PTH1R: variants seen among roughly 807,000 people sequenced by gnomAD.
PTH1R encodes parathyroid hormone 1 receptor.
PTH1R carries 32 observed loss-of-function variants against 70.7 expected under a neutral mutation model. The ratio of observed to expected loss-of-function variants is 0.45; its 90% CI spans 0.34 to 0.61. PTH1R has a LOEUF of 0.61. Ranked by LOEUF, PTH1R falls within the 20% of genes least tolerant of loss-of-function variation. The pLI is 0.01. For missense variants in PTH1R, 626 were observed against 792.5 expected (o/e 0.79, Z 2.52); for synonymous variants, 329 against 324.8 (o/e 1.01, Z -0.14).
chr3:46,903,657 C>T lies in PTH1R; in HGVS notation c.*1C>T, dbSNP rs529093972. The stretch of plus-strand genomic sequence containing the variant: ...GGAAGAGTGGGAGACAGTCATGTGA[C>T]CAGGCGCTGGGGGCTGGACCTGCTG... On this transcript the variant is annotated 3_prime_UTR_variant, in exon 16 of 16. Transcript: ENST00000449590. This position sits in a 1 kb window ranked among gnomAD's most constrained non-coding sequence, Gnocchi z 4.4. 20 of 1,607,826 alleles carry T rather than the reference C, an allele frequency of 1.2e-5. No homozygotes were observed. The South Asian group carries it at 2.2e-4, about 18-fold the overall frequency.
chr3:46,891,057 A>G lies in PTH1R; in HGVS notation c.76-2850A>G, dbSNP rs576658384. Among the ~76,000 whole-genome samples, 62 of 152,342 alleles carry G rather than the reference A, an allele frequency of 4.1e-4. No homozygotes were observed. The highest frequency in any genetic ancestry group is 1.4e-3 in the African/African-American group (59 of 41,568). ...GGGGTTGTCCTCCTCTTCTTGGGAAAGTGCTTCCTTAACTTTAACATGAGT... is the reference window on the plus strand; with the variant it reads ...GGGGTTGTCCTCCTCTTCTTGGGAAGGTGCTTCCTTAACTTTAACATGAGT... On this transcript the variant is annotated intron_variant, in intron 3 of 15. Transcript: ENST00000449590. This position sits in a 1 kb window ranked among gnomAD's most constrained non-coding sequence, Gnocchi z 4.3.
At chr3:46,898,910 C>A in intron 9 of PTH1R, 53 bp downstream of exon 9, 1 of 1,202,606 alleles carries the variant, frequency 8.3e-7, no homozygotes, top group East Asian at 2.8e-5. Flanking sequence ...CCTCGTGGGG[C>A]CCCGCCCCGC....
At chr3:46,885,264 A>T (rs2030941614) in intron 3 of PTH1R, among the ~76,000 whole-genome samples, 1 of 151,940 alleles carries the variant, frequency 6.6e-6, no homozygotes, top group Non-Finnish European at 1.5e-5. Context: ...GTGGTGCATG[A>T]CTTGGAGGCG....
rs1197899907 is a variant in PTH1R, at chr3:46,879,420, C to G, written c.-106+1577C>G. Among the ~76,000 whole-genome samples the G allele has an allele frequency of 6.6e-6, 1 of 152,152 alleles. No homozygotes were observed. Among genetic ancestry groups the G allele is most frequent in the Non-Finnish European group, 1.5e-5 (1 of 68,032 alleles). On this transcript the variant is annotated intron_variant, in intron 1 of 15. Coordinates refer to ENST00000449590, the MANE Select transcript of PTH1R (RefSeq NM_000316.3). This position sits in a 1 kb window ranked among gnomAD's most constrained non-coding sequence, Gnocchi z 4.7. ...AAGCAGGGTGGAAGATCAGTGGTCA[C>G]AGAACCATAAAACTTAGAGACACTT...
Position 46,879,428 on chromosome 3 carries a change from T to C in PTH1R, c.-106+1585T>C, listed in dbSNP as rs2030421517. ...TGGAAGATCAGTGGTCACAGAACCA[T>C]AAAACTTAGAGACACTTAGAAACAG... On this transcript the variant is annotated intron_variant, in intron 1 of 15. Transcript: ENST00000449590. This position sits in a 1 kb window ranked among gnomAD's most constrained non-coding sequence, Gnocchi z 4.7. Among the ~76,000 whole-genome samples, 1 of 152,118 alleles carries C rather than the reference T, an allele frequency of 6.6e-6. No individual in the cohort carries two copies. Among genetic ancestry groups the C allele is most frequent in the Non-Finnish European group, 1.5e-5 (1 of 68,036 alleles).
intron 3 of PTH1R, among the ~76,000 whole-genome samples, chr3:46,889,898 C>G (rs1380662893): frequency 6.6e-6 from 1 of 152,128 alleles, no homozygotes; most frequent in African/African-American, 2.4e-5. Context: ...TGGCGCTGAG[C>G]CAAGAAGACA....
rs762221232 is a variant in PTH1R, at chr3:46,898,876, G to GCC, written c.834+21_834+22dup. The GCC allele has an allele frequency of 6.7e-7, 1 of 1,485,178 alleles. No homozygotes were observed. Among genetic ancestry groups the GCC allele is most frequent in the South Asian group, 1.2e-5 (1 of 80,894 alleles). The allele number at this position is 1,485,178 out of a possible 1,614,324, so 92.0% of individuals were successfully genotyped here. Reference sequence around the variant, plus strand: ...CGGCTACGTGAGTACCCCTCTGCCCGCCCGCTCCCGGTGCCGCCACTGGCC... The same window carrying GCC: ...CGGCTACGTGAGTACCCCTCTGCCCGCCCCCGCTCCCGGTGCCGCCACTGGCC... On this transcript the variant is annotated intron_variant, in intron 9 of 15. Transcript: ENST00000449590.
chr3:46,880,468 G>A (rs1324736221), intron 1 of PTH1R, among the ~76,000 whole-genome samples: 1 of 152,202 alleles, frequency 6.6e-6, no homozygotes, highest in Non-Finnish European at 1.5e-5. Context: ...GGCCAAGGCT[G>A]GTGGTTCATA....
chr3:46,903,421 T>G lies in PTH1R; in HGVS notation c.1547T>G (p.Leu516Arg), dbSNP rs2032250185. 1 of 1,613,180 alleles carries G rather than the reference T, an allele frequency of 6.2e-7. No homozygotes were observed. The highest frequency in any genetic ancestry group is 8.5e-7 in the Non-Finnish European group (1 of 1,179,722). ...TNVGPRVGLG[L>R]PLSPRLLPTA... ...GTCGGCCCCCGTGTGGGACTCGGCCTGCCCCTCAGCCCCCGCCTACTGCCC... is the reference window on the plus strand; with the variant it reads ...GTCGGCCCCCGTGTGGGACTCGGCCGGCCCCTCAGCCCCCGCCTACTGCCC... Residue 516 changes from leucine (L) to arginine (R), a missense_variant, in exon 16 of 16, where the codon CTG (leucine) becomes CGG (arginine). Transcript: ENST00000449590. This position sits in a 1 kb window ranked among gnomAD's most constrained non-coding sequence, Gnocchi z 4.4.
At chr3:46,894,103 C>G (rs1359641974) in intron 4 of PTH1R, 94 bp downstream of exon 4, 1 of 1,339,866 alleles carries the variant, frequency 7.5e-7, no homozygotes, top group Non-Finnish European at 1.1e-6. Context: ...GGTGAAGGCT[C>G]TCTGTGGGGG....
In PTH1R at chr3:46,883,726, C is replaced by A; in HGVS notation, c.75+92C>A. 1.4e-6 allele frequency: 2 copies of A among 1,445,256 alleles called. No homozygotes were observed. Among genetic ancestry groups the A allele is most frequent in the Non-Finnish European group, 1.9e-6 (2 of 1,062,584 alleles). 89.5% of individuals were successfully genotyped at this position (1,445,256 alleles called of 1,614,324 possible). On this transcript the variant is annotated intron_variant, in intron 3 of 15. Transcript: ENST00000449590. This position sits in a 1 kb window ranked among gnomAD's most constrained non-coding sequence, Gnocchi z 6.4. ...CTAAGGCACGCAGTCTTGAGTTCCC[C>A]CAGTAGTTCGAACTTTGGGTGAGAG... is the stretch of plus-strand genomic sequence containing the variant.
At chr3:46,899,276 T>G (rs2031969835) in intron 9 of PTH1R, 27 bp from the exon 10 acceptor site, 8 of 1,613,700 alleles carry the variant, frequency 5.0e-6, no homozygotes, top group Non-Finnish European at 5.9e-6. Flanking sequence ...GGCCCTGCCC[T>G]CTGACTAACA....
At chr3:46,886,728 G>A (rs943702214) in intron 3 of PTH1R, among the ~76,000 whole-genome samples, 1 of 152,176 alleles carries the variant, frequency 6.6e-6, no homozygotes, top group African/African-American at 2.4e-5. Context: ...TTCTGAGCTA[G>A]AAACTGTCAC....
chr3:46,883,585 G>A lies in PTH1R; in HGVS notation c.26G>A (p.Gly9Asp). 1 of 1,540,628 alleles carries A rather than the reference G, an allele frequency of 6.5e-7. No homozygotes were observed. Among genetic ancestry groups the A allele is most frequent in the Middle Eastern group, 1.7e-4 (1 of 5,742 alleles). The change falls in exon 3 of 16, where the codon GGC becomes GAC. Residue 9 changes from glycine to aspartate, a missense_variant. Gly to Asp is a moderately conservative substitution (Grantham distance 94). This residue lies in a region of PTH1R where 123 missense variants were observed against 125.7 expected (regional missense o/e 0.98). Transcript: ENST00000449590. This position sits in a 1 kb window ranked among gnomAD's most constrained non-coding sequence, Gnocchi z 6.4. MGTARIAP[G>D]LALLLCCPVL... ...ATGGGGACCGCCCGGATCGCACCCG[G>A]CCTGGCGCTCCTGCTCTGCTGCCCC...
At chr3:46,878,346 G>A (rs1382780067) in intron 1 of PTH1R, among the ~76,000 whole-genome samples, 2 of 152,082 alleles carry the variant, frequency 1.3e-5, no homozygotes, top group South Asian at 4.1e-4. Flanking sequence ...GTTTCCAGAG[G>A]GGCCTAGAAG....
chr3:46,881,768 C>G lies in PTH1R; in HGVS notation c.-49+650C>G, dbSNP rs1038029281. On this transcript the variant is annotated intron_variant, in intron 2 of 15. Coordinates refer to ENST00000449590, the MANE Select transcript of PTH1R (RefSeq NM_000316.3). ...GGCAGCAGCCAAGCCGGGCTCGGGG[C>G]TGGCAGCCGAGCGGCCTCCCCAGGG... is the stretch of plus-strand genomic sequence containing the variant. 6.6e-5 allele frequency among the ~76,000 whole-genome samples: 10 copies of G among 151,976 alleles called. No individual in the cohort carries two copies. In the East Asian group the frequency reaches 2.0e-3, roughly 30 times the overall value.
At position 46,896,292 on chromosome 3, in the gene PTH1R, G is replaced by A. The variant is rs566513855; in HGVS notation, c.313+423G>A. Among the ~76,000 whole-genome samples the A allele has an allele frequency of 2.0e-5, 3 of 152,254 alleles. No individual in the cohort carries two copies. The East Asian group carries it at 5.8e-4, about 29-fold the overall frequency. Reference sequence around the variant, plus strand: ...TCACAGAGATAGAGGGGACCAGGAGGCACACACTGAAGTCTGGGCTCAGTG... The same window carrying A: ...TCACAGAGATAGAGGGGACCAGGAGACACACACTGAAGTCTGGGCTCAGTG... On this transcript the variant is annotated intron_variant, in intron 5 of 15. Transcript: ENST00000449590. This position sits in a 1 kb window ranked among gnomAD's most constrained non-coding sequence, Gnocchi z 4.1.
In PTH1R at chr3:46,903,623, C is replaced by T; in HGVS notation, c.1749C>T (p.Ala583=). The T allele has an allele frequency of 4.3e-6, 7 of 1,612,368 alleles. No individual in the cohort carries two copies. The highest frequency in any genetic ancestry group is 5.1e-6 in the Non-Finnish European group (6 of 1,180,030). The change falls in exon 16 of 16, where the codon GCC becomes GCT. Residue 583 remains alanine (A), a synonymous_variant. Transcript: ENST00000449590. The surrounding 1 kb of genome is among the most constrained non-coding windows in gnomAD (Gnocchi z 4.4). ...CCTCTGGGCCTGAGCGGCCACCTGCCCTGCTACAGGAAGAGTGGGAGACAG... is the reference window on the plus strand; with the variant it reads ...CCTCTGGGCCTGAGCGGCCACCTGCTCTGCTACAGGAAGAGTGGGAGACAG... ...EEASGPERPP[A]LLQEEWETVM
rs148545223 is a variant in PTH1R at position 46,897,535 on chromosome 3, C to T, written c.314-320C>T. On this transcript the variant is annotated intron_variant, in intron 5 of 15. Transcript: ENST00000449590. Reference sequence around the variant, plus strand: ...TCACCTGAGGTCAGGAGTTTGAGACCAGCCTGACCAACATGGAGAAACCCC... The same window carrying T: ...TCACCTGAGGTCAGGAGTTTGAGACTAGCCTGACCAACATGGAGAAACCCC... 4.4e-3 allele frequency among the ~76,000 whole-genome samples: 665 copies of T among 152,192 alleles called. 7 individuals are homozygous for T. The highest frequency in any genetic ancestry group is 0.014 in the African/African-American group (585 of 41,516).
Sources: gnomAD v4.1 joint callset for allele counts (sites outside exome capture counted in the v4.1 genomes callset) on GRCh38, gnomAD v4.1.1 for gene constraint, gnomAD v4.1.1 regional missense constraint, Gnocchi (gnomAD v3.1) non-coding constraint, MANE v1.5 for transcripts, NCBI Gene and HGNC (gene_info 2026-07-23, HGNC 2026-07-21) for gene names.